Variants in SLAIN2 observed in about 807,000 individuals in gnomAD.
SLAIN2 encodes SLAIN motif-containing protein 2.
In SLAIN2, 31 loss-of-function variants were observed where a neutral mutation model predicts 56.6. The ratio of observed to expected loss-of-function variants is 0.55; its 90% CI spans 0.41 to 0.74. The LOEUF is 0.74. SLAIN2 is among the 30% of genes least tolerant of loss of function. SLAIN2 has a pLI of 0.00. For missense variants in SLAIN2, 777 were observed against 754.2 expected (o/e 1.03, Z -0.35); for synonymous variants, 317 against 284.9 (o/e 1.11, Z -1.13).
intron 6 of SLAIN2, among the ~76,000 whole-genome samples, chr4:48,390,852 C>G (rs535490046): frequency 1.3e-5 from 2 of 152,294 alleles, no homozygotes; most frequent in East Asian, 3.9e-4. Context: ...TCTACTCTTA[C>G]TTGATGGAAG....
Position 48,377,949 on chromosome 4 carries a change from A to C in SLAIN2, c.592A>C (p.Ser198Arg). ...TCCTTTCAACTCTATGAGTTACACC[A>C]GTCCTTACAGTCCAAATGCCAGTAG... The part of the protein sequence containing the change: ...NNPFNSMSYT[S>R]PYSPNASSPY... Residue 198 changes from serine to arginine, a missense_variant, in exon 3 of 8, where the codon AGT (serine) becomes CGT (arginine). Coordinates refer to ENST00000264313, the MANE Select transcript of SLAIN2 (RefSeq NM_020846.2). The C allele has an allele frequency of 1.2e-6, 2 of 1,613,968 alleles. No individual in the cohort carries two copies. The highest frequency in any genetic ancestry group is 2.2e-5 in the East Asian group (1 of 44,866).
intron 1 of SLAIN2, among the ~76,000 whole-genome samples, chr4:48,345,086 ATC>A (rs1222055298): frequency 6.6e-6 from 1 of 152,192 alleles, no homozygotes; most frequent in African/African-American, 2.4e-5. Context: ...AAGAAAACTA[ATC>A]TCTCTCCAAG....
intron 2 of SLAIN2, among the ~76,000 whole-genome samples, chr4:48,376,723 G>T (rs1168988373): frequency 1.4e-5 from 2 of 142,898 alleles, no homozygotes. Context: ...CCGGGTTCAC[G>T]CCATTCTCCT....
At chr4:48,390,208 GGTGGGATTACAGGCACGCACCACCATGC>G (rs1250224128) in intron 6 of SLAIN2, among the ~76,000 whole-genome samples, 1 of 151,452 alleles carries the variant, frequency 6.6e-6, no homozygotes, top group Admixed American at 6.6e-5. Flanking sequence ...CCTCTTAGTA[GGTGGGATTACAGGCACGCACCACCATGC>G]CTGGCTAATT....
chr4:48,378,106 T>G, intron 3 of SLAIN2, 46 bp downstream of exon 3: 1 of 1,553,376 alleles, frequency 6.4e-7, no homozygotes, highest in South Asian at 1.2e-5. Flanking sequence ...TTTTTTAGCT[T>G]ACTGCACTGT....
At chr4:48,371,361 C>T (rs1715659828) in intron 2 of SLAIN2, among the ~76,000 whole-genome samples, 1 of 152,086 alleles carries the variant, frequency 6.6e-6, no homozygotes, top group Non-Finnish European at 1.5e-5. Flanking sequence ...GCGTGAGCCA[C>T]CATGCCTGGC....
Position 48,342,711 on chromosome 4 carries a change from C to CTTTTTTTTTTTTTTTT in SLAIN2, c.389+592_389+607dup, listed in dbSNP as rs761272695. On this transcript the variant is annotated intron_variant, in intron 1 of 7. Transcript: ENST00000264313. ...GAAGAGAGGGCAGAGGATGGTGCTG[C>CTTTTTTTTTTTTTTTT]TTTTTTTTTTTTTTTTTTTTTTTTG... Among the ~76,000 whole-genome samples, 46 of 65,948 alleles carry CTTTTTTTTTTTTTTTT rather than the reference C, an allele frequency of 7.0e-4. 3 individuals carry two copies. The highest frequency in any genetic ancestry group is 8.8e-4 in the African/African-American group (14 of 15,984). 43.3% of individuals were successfully genotyped at this position (65,948 alleles called of 152,430 possible).
At chr4:48,380,785 T>C (rs1480558489) in intron 4 of SLAIN2, among the ~76,000 whole-genome samples, 1 of 152,178 alleles carries the variant, frequency 6.6e-6, no homozygotes, top group Non-Finnish European at 1.5e-5. Flanking sequence ...CTGAGGTTAA[T>C]GGAGCATTGC....
At chr4:48,347,050 C>T (rs1302321676) in intron 1 of SLAIN2, among the ~76,000 whole-genome samples, 2 of 151,608 alleles carry the variant, frequency 1.3e-5, no homozygotes, top group Non-Finnish European at 2.9e-5. Context: ...GGAACAAATA[C>T]TTAGAGTACC....
At chr4:48,408,688 AAGT>A (rs1716768494) in intron 6 of SLAIN2, among the ~76,000 whole-genome samples, 1 of 152,188 alleles carries the variant, frequency 6.6e-6, no homozygotes, top group South Asian at 2.1e-4. Context: ...TCACGTTTTT[AAGT>A]TAAAGCTTAT....
intron 1 of SLAIN2, among the ~76,000 whole-genome samples, chr4:48,348,136 A>G (rs1480710443): frequency 6.6e-6 from 1 of 152,224 alleles, no homozygotes; most frequent in Admixed American, 6.5e-5. Flanking sequence ...ATTATTACTT[A>G]TATAACTAAC....
intron 4 of SLAIN2, 80 bp from the exon 5 acceptor site, chr4:48,382,488 G>A (rs1715993084): frequency 1.5e-6 from 2 of 1,342,774 alleles, no homozygotes; most frequent in Non-Finnish European, 1.9e-6. Flanking sequence ...ATTTTTCAGT[G>A]ATAATCTTTT....
At chr4:48,397,801 C>G (rs1235816381) in intron 6 of SLAIN2, among the ~76,000 whole-genome samples, 2 of 152,144 alleles carry the variant, frequency 1.3e-5, no homozygotes, top group Non-Finnish European at 2.9e-5. Flanking sequence ...TAATGGCTTC[C>G]AACTCCATCT....
intron 6 of SLAIN2, among the ~76,000 whole-genome samples, chr4:48,414,761 A>G (rs1716955941): frequency 1.0e-5 from 1 of 97,790 alleles, no homozygotes; most frequent in Non-Finnish European, 2.0e-5. Flanking sequence ...TCCTGTGTCC[A>G]TGTGATCTCA....
At position 48,363,481 on chromosome 4, in the gene SLAIN2, C is replaced by G. The variant is rs1309831421; in HGVS notation, c.390-6368C>G. On this transcript the variant is annotated intron_variant, in intron 1 of 7. Coordinates refer to ENST00000264313, the MANE Select transcript of SLAIN2 (RefSeq NM_020846.2). ...CTACCTCCCGGACGGGGCGGCTGGC[C>G]GGACAGAGGGGCTCCTCACTTCCCA... Among the ~76,000 whole-genome samples the G allele has an allele frequency of 3.1e-5, 2 of 63,582 alleles. 1 individual carries two copies. Among genetic ancestry groups the G allele is most frequent in the Non-Finnish European group, 7.7e-5 (2 of 25,876 alleles). 41.7% of individuals were successfully genotyped at this position (63,582 alleles called of 152,430 possible). A position where few individuals can be genotyped will look rare whatever the true frequency, so the allele number is the denominator to read the frequency against.
In SLAIN2 at chr4:48,424,338, T is replaced by C. The variant is rs993265807; in HGVS notation, c.*2261T>C. The stretch of plus-strand genomic sequence containing the variant: ...TTTGGGAAAATCTAAGGATTTACTG[T>C]GGTTAGTCTTACAGAAGAAATGTGG... On this transcript the variant is annotated 3_prime_UTR_variant, in exon 8 of 8. Transcript: ENST00000264313. 1 of 152,146 alleles carries C rather than the reference T, an allele frequency of 6.6e-6. No individual in the cohort carries two copies. Among genetic ancestry groups the C allele is most frequent in the Non-Finnish European group, 1.5e-5 (1 of 68,000 alleles). The allele number at this position is 152,146 out of a possible 1,614,324, so 9.4% of individuals were successfully genotyped here.
At chr4:48,405,590 T>C (rs776123967) in intron 6 of SLAIN2, among the ~76,000 whole-genome samples, 7 of 152,146 alleles carry the variant, frequency 4.6e-5, no homozygotes, top group Non-Finnish European at 8.8e-5. Context: ...TTGAATTGTT[T>C]TGCTATTTTT....
At chr4:48,393,751 T>C (rs1307492661) in intron 6 of SLAIN2, among the ~76,000 whole-genome samples, 2 of 151,872 alleles carry the variant, frequency 1.3e-5, no homozygotes, top group African/African-American at 2.4e-5. Flanking sequence ...GGTGTGAGAG[T>C]CATCAGTCTG....
intron 1 of SLAIN2, among the ~76,000 whole-genome samples, chr4:48,347,049 A>G (rs193256200): frequency 6.6e-6 from 1 of 151,772 alleles, no homozygotes; most frequent in South Asian, 2.1e-4. Flanking sequence ...TGGAACAAAT[A>G]CTTAGAGTAC....
Sources: gnomAD v4.1 joint callset for allele counts (sites outside exome capture counted in the v4.1 genomes callset) on GRCh38, gnomAD v4.1.1 for gene constraint, MANE v1.5 for transcripts, NCBI Gene and HGNC (gene_info 2026-07-23, HGNC 2026-07-21) for gene names.